COMMD10: variants seen among roughly 807,000 people sequenced by gnomAD.
COMMD10 encodes COMM domain containing 10.
COMMD10 carries 33 observed loss-of-function variants against 28.9 expected under a neutral mutation model. The ratio of observed to expected loss-of-function variants is 1.14; its 90% CI spans 0.87 to 1.53. The LOEUF is 1.53. Ranked by LOEUF, COMMD10 falls within the 40% of genes most tolerant of loss-of-function variation. COMMD10 has a pLI of 0.00. For synonymous variants in COMMD10, 110 were observed against 81.7 expected (o/e 1.35, Z -1.87); for missense variants, 310 against 233.4 (o/e 1.33, Z -2.14).
At chr5:116,260,206 G>A (rs1426592124) in intron 5 of COMMD10, among the ~76,000 whole-genome samples, 1 of 151,760 alleles carries the variant, frequency 6.6e-6, no homozygotes, top group Admixed American at 6.6e-5. Flanking sequence ...CCATTTCAAT[G>A]GAGACTTATC....
chr5:116,096,310 T>C (rs1750465866), intron 4 of COMMD10, among the ~76,000 whole-genome samples: 1 of 151,904 alleles, frequency 6.6e-6, no homozygotes, highest in South Asian at 2.1e-4. Flanking sequence ...TTTTGTTAGG[T>C]TTGTACCTTA....
intron 5 of COMMD10, among the ~76,000 whole-genome samples, chr5:116,207,511 G>GA (rs538577631): frequency 5.7e-5 from 8 of 141,552 alleles, no homozygotes; most frequent in Non-Finnish European, 7.8e-5. Context: ...TCAGAGAGGG[G>GA]AAAAAAATAA....
rs778807216 is a variant in COMMD10, at chr5:116,134,070, A to G, written c.402A>G (p.Leu134=). The G allele has an allele frequency of 1.9e-6, 3 of 1,560,934 alleles. No homozygotes were observed. Among genetic ancestry groups the G allele is most frequent in the African/African-American group, 2.7e-5 (2 of 74,454 alleles). ...FRQRILAPCK[L]ETVGWQLNLQ... is the part of the protein sequence containing the mutation. ...CAATCTGCACCTGTCTTTTATAGCT[A>G]GAGACCGTTGGATGGCAGCTTAACC... The change falls in exon 5 of 7, where the codon CTA becomes CTG. Residue 134 remains leucine (L), a splice_region_variant and synonymous_variant. Coordinates refer to ENST00000274458, the MANE Select transcript of COMMD10 (RefSeq NM_016144.4).
At chr5:116,178,005 A>C (rs532512457) in intron 5 of COMMD10, among the ~76,000 whole-genome samples, 4 of 152,138 alleles carry the variant, frequency 2.6e-5, no homozygotes, top group African/African-American at 4.8e-5. Context: ...ACTTAAAAAG[A>C]TAGGGTTCAG....
chr5:116,112,442 G>A (rs1041892914), intron 4 of COMMD10, among the ~76,000 whole-genome samples: 1 of 151,706 alleles, frequency 6.6e-6, no homozygotes, highest in Admixed American at 6.6e-5. Flanking sequence ...CTGTCGCCAA[G>A]CTGGAGTGCA....
At chr5:116,192,107 A>G (rs1409450550) in intron 5 of COMMD10, among the ~76,000 whole-genome samples, 2 of 152,086 alleles carry the variant, frequency 1.3e-5, no homozygotes, top group Non-Finnish European at 2.9e-5. Context: ...CCATAGGAAA[A>G]TGGAGAGAGT....
At chr5:116,206,628 G>C (rs1297379605) in intron 5 of COMMD10, among the ~76,000 whole-genome samples, 1 of 151,592 alleles carries the variant, frequency 6.6e-6, no homozygotes, top group Non-Finnish European at 1.5e-5. Context: ...CTCCAGCTTG[G>C]GCAACAAGAG....
chr5:116,185,401 A>G (rs1438163791), intron 5 of COMMD10, among the ~76,000 whole-genome samples: 1 of 152,130 alleles, frequency 6.6e-6, no homozygotes, highest in Non-Finnish European at 1.5e-5. Context: ...ATTTCTGTGC[A>G]AGATATTGAT....
At chr5:116,251,179 A>T (rs1383028723) in intron 5 of COMMD10, among the ~76,000 whole-genome samples, 2 of 151,726 alleles carry the variant, frequency 1.3e-5, no homozygotes, top group African/African-American at 2.4e-5. Flanking sequence ...TGATTTTTCC[A>T]TTATGTTCTT....
intron 5 of COMMD10, among the ~76,000 whole-genome samples, chr5:116,175,678 A>T (rs181006214): frequency 6.6e-6 from 1 of 152,136 alleles, no homozygotes; most frequent in Non-Finnish European, 1.5e-5. Flanking sequence ...ATGCAACGGG[A>T]TATTATTCGG....
At chr5:116,111,265 A>G (rs1269353815) in intron 4 of COMMD10, among the ~76,000 whole-genome samples, 1 of 151,146 alleles carries the variant, frequency 6.6e-6, no homozygotes, top group Non-Finnish European at 1.5e-5. Flanking sequence ...TCTCTGTTTT[A>G]TTTAGTTTTG....
intron 5 of COMMD10, among the ~76,000 whole-genome samples, chr5:116,214,520 A>T (rs939847367): frequency 3.9e-5 from 6 of 152,280 alleles, no homozygotes; most frequent in African/African-American, 1.4e-4. Flanking sequence ...TAACCACTGT[A>T]AGCATTAAAT....
At chr5:116,089,592 A>G (rs1173181666) in intron 2 of COMMD10, among the ~76,000 whole-genome samples, 1 of 152,212 alleles carries the variant, frequency 6.6e-6, no homozygotes, top group Non-Finnish European at 1.5e-5. Context: ...TCAGTCATGT[A>G]TGGAGTTGAG....
At chr5:116,251,852 C>T (rs1490004675) in intron 5 of COMMD10, among the ~76,000 whole-genome samples, 3 of 152,074 alleles carry the variant, frequency 2.0e-5, no homozygotes, top group Admixed American at 6.6e-5. Context: ...AGTTCTAGAT[C>T]CCTGAGGATT....
At chr5:116,233,353 CAT>C (rs955966171) in intron 5 of COMMD10, among the ~76,000 whole-genome samples, 1 of 151,944 alleles carries the variant, frequency 6.6e-6, no homozygotes, top group African/African-American at 2.4e-5. Flanking sequence ...TAGGAAAAAA[CAT>C]AGTATATATA....
chr5:116,122,914 C>T (rs1751491548), intron 4 of COMMD10, among the ~76,000 whole-genome samples: 1 of 152,160 alleles, frequency 6.6e-6, no homozygotes. Context: ...ACAGTCATGT[C>T]ATCTGCAAAC....
chr5:116,240,830 A>T (rs2112662891), intron 5 of COMMD10, among the ~76,000 whole-genome samples: 1 of 152,320 alleles, frequency 6.6e-6, no homozygotes, highest in Admixed American at 6.5e-5. Flanking sequence ...CTATTGTTCT[A>T]ATATGATGGG....
At chr5:116,236,747 C>A (rs143752622) in intron 5 of COMMD10, among the ~76,000 whole-genome samples, 145 of 152,062 alleles carry the variant, frequency 9.5e-4, no homozygotes, top group African/African-American at 2.6e-3. Flanking sequence ...ATGTATGATA[C>A]TATAATTTAT....
At chr5:116,127,890 C>T (rs1252917156) in intron 4 of COMMD10, among the ~76,000 whole-genome samples, 3 of 151,972 alleles carry the variant, frequency 2.0e-5, no homozygotes, top group East Asian at 1.9e-4. Flanking sequence ...CAAACCTGCA[C>T]GTTGTGCACA....
Sources: allele counts gnomAD v4.1 joint callset (sites outside exome capture counted in the v4.1 genomes callset), GRCh38; gene constraint gnomAD v4.1.1; transcripts MANE v1.5; gene names NCBI Gene and HGNC (gene_info 2026-07-23, HGNC 2026-07-21).